SERPINH1: variants seen among roughly 807,000 people sequenced by gnomAD.
SERPINH1 encodes serpin H1.
A neutral mutation model predicts 32.3 loss-of-function variants in SERPINH1; 22 were observed. That is an observed-to-expected ratio of 0.68 (90% CI 0.49 to 0.97). The LOEUF is 0.97. Ranked by LOEUF, SERPINH1 falls within the 50% of genes least tolerant of loss-of-function variation. The probability of loss-of-function intolerance (pLI) is 0.00; values close to 1 mark genes in which losing one functional copy is unlikely to be tolerated. For missense variants in SERPINH1, 543 were observed against 576.4 expected (o/e 0.94, Z 0.59); for synonymous variants, 251 against 245.9 (o/e 1.02, Z -0.19).
In SERPINH1 at chr11:75,568,939, G is replaced by T. The variant is rs767688879; in HGVS notation, c.722G>T (p.Gly241Val). The T allele has an allele frequency of 5.6e-6, 9 of 1,613,648 alleles. No homozygotes were observed. ...TVGVMMMHRT[G>V]LYNYYDDEKE... ...AGTGTCCTTTCCGCTCCTCTCCCAG[G>T]CCTCTACAACTACTACGACGACGAG... The change falls in exon 4 of 5, where the codon GGC (glycine) becomes GTC (valine). Residue 241 changes from glycine (G) to valine (V), a missense_variant and splice_region_variant. By Grantham distance (109) the Gly-to-Val change is moderately radical (BLOSUM62 -3). Transcript: ENST00000358171.
At chr11:75,565,630 A>T (rs985858414) in intron 1 of SERPINH1, among the ~76,000 whole-genome samples, 3 of 140,258 alleles carry the variant, frequency 2.1e-5, no homozygotes, top group African/African-American at 7.8e-5. Context: ...ACACACACAC[A>T]CTCTCAGGGT....
rs1379043592 is a variant in SERPINH1, at chr11:75,569,058, C to T, written c.841C>T (p.Leu281Phe). Residue 281 changes from leucine to phenylalanine, a missense_variant, in exon 4 of 5, where the codon CTT becomes TTT. This residue lies in a region of SERPINH1 where 427 missense variants were observed against 446.4 expected (regional missense o/e 0.96). Transcript: ENST00000358171. The part of the protein sequence containing the change: ...MPHHVEPLER[L>F]EKLLTKEQLK... ...CCATCACGTGGAGCCTCTCGAGCGC[C>T]TTGAAAAGCTGCTAACCAAAGAGCA... The T allele has an allele frequency of 9.3e-6, 15 of 1,614,134 alleles. No individual in the cohort carries two copies. The highest frequency in any genetic ancestry group is 1.1e-5 in the Non-Finnish European group (13 of 1,180,056).
chr11:75,566,838 C>G lies in SERPINH1; in HGVS notation c.489C>G (p.Phe163Leu). 1 of 1,612,692 alleles carries G rather than the reference C, an allele frequency of 6.2e-7. No homozygotes were observed. Among genetic ancestry groups the G allele is most frequent in the Non-Finnish European group, 8.5e-7 (1 of 1,179,980 alleles). The change falls in exon 2 of 5, where the codon TTC becomes TTG. Residue 163 changes from phenylalanine (F) to leucine (L), a missense_variant. By Grantham distance (22) the Phe-to-Leu change is conservative. Around this residue, in one of 3 missense-constraint regions of SERPINH1, gnomAD observed 427 missense variants for 446.4 expected, o/e 0.96. Coordinates refer to ENST00000358171, the MANE Select transcript of SERPINH1 (RefSeq NM_001235.5). Reference sequence around the variant, plus strand: ...ACTGCGAGCACTCCAAGATCAACTTCCGCGACAAGCGCAGCGCGCTGCAGT... The same window carrying G: ...ACTGCGAGCACTCCAAGATCAACTTGCGCGACAAGCGCAGCGCGCTGCAGT... ...HYNCEHSKIN[F>L]RDKRSALQSI...
chr11:75,568,192 G>C (rs993094116), intron 2 of SERPINH1: 1 of 177,164 alleles, frequency 5.6e-6, no homozygotes, highest in African/African-American at 2.4e-5. Context: ...TGGAGGCTGA[G>C]GTGGGAGGAT....
rs571314663 is a variant in SERPINH1, at chr11:75,563,929, C to A, written c.-35+1610C>A. Among the ~76,000 whole-genome samples the A allele has an allele frequency of 6.6e-5, 10 of 152,314 alleles. No individual in the cohort carries two copies. In the East Asian group the frequency reaches 7.7e-4, roughly 12 times the overall value. ...GGGACTGTAACTCAGCTAACCTTGG[C>A]CTGAGGGCTGGCATTTCTCTGTGGC... On this transcript the variant is annotated intron_variant, in intron 1 of 4. Transcript: ENST00000358171.
In SERPINH1 at chr11:75,569,102, G is replaced by A. The variant is rs769607505; in HGVS notation, c.885G>A (p.Gly295=). ...LTKEQLKIWM[G]KMQKKAVAIS... ...AAGAGCAGCTGAAGATCTGGATGGG[G>A]AAGATGCAGAAGAAGGCTGTTGCCA... The change falls in exon 4 of 5, where the codon GGG becomes GGA. Residue 295 remains glycine, a synonymous_variant. Coordinates refer to ENST00000358171, the MANE Select transcript of SERPINH1 (RefSeq NM_001235.5). The A allele has an allele frequency of 8.1e-6, 13 of 1,614,078 alleles. No individual in the cohort carries two copies. Among genetic ancestry groups the A allele is most frequent in the Non-Finnish European group, 1.1e-5 (13 of 1,180,014 alleles).
In SERPINH1 at chr11:75,566,697, C is replaced by G. The variant is rs1176359461; in HGVS notation, c.348C>G (p.Arg116=). ...EVHAGLGELL[R]SLSNSTARNV... is the part of the protein sequence containing the mutation. The stretch of plus-strand genomic sequence containing the variant: ...ACGCCGGCCTGGGCGAGCTGCTGCG[C>G]TCACTCAGCAACTCCACGGCGCGCA... Residue 116 remains arginine, a synonymous_variant, in exon 2 of 5, where the codon CGC becomes CGG. Transcript: ENST00000358171. 1.2e-6 allele frequency: 2 copies of G among 1,610,950 alleles called. No homozygotes were observed. The highest frequency in any genetic ancestry group is 1.1e-5 in the South Asian group (1 of 90,856).
intron 2 of SERPINH1, 198 bp from the exon 3 acceptor site, chr11:75,568,533 G>A (rs933658634): frequency 1.2e-5 from 8 of 648,004 alleles, no homozygotes; most frequent in Non-Finnish European, 2.2e-5. Context: ...CAGATGGCAT[G>A]TCCTGGGGCC....
chr11:75,568,693 C>T (rs376768493), intron 2 of SERPINH1, 38 bp from the exon 3 acceptor site: 223 of 1,401,394 alleles, frequency 1.6e-4, no homozygotes, highest in Middle Eastern at 2.4e-4. Flanking sequence ...TTGGGGGCGG[C>T]CATGTGTCTC....
rs375603549 is a variant in SERPINH1 at position 75,566,261 on chromosome 11, G to A, written c.-34-55G>A. The A allele has an allele frequency of 2.4e-5, 36 of 1,475,562 alleles. No homozygotes were observed. In the East Asian group the frequency reaches 8.0e-4, roughly 33 times the overall value. 91.4% of individuals were successfully genotyped at this position (1,475,562 alleles called of 1,614,324 possible). A position where few individuals can be genotyped will look rare whatever the true frequency, so the allele number is the denominator to read the frequency against. ...GGCAGCCAGAGAGCTGAGGGTGGTT[G>A]TTGGGGAGGAAGGCCTTGGGCTTCA... On this transcript the variant is annotated intron_variant, in intron 1 of 4. Transcript: ENST00000358171.
Position 75,568,731 on chromosome 11 carries a change from C to G in SERPINH1, c.623C>G (p.Pro208Arg). Residue 208 changes from proline (P) to arginine (R), a missense_variant and splice_region_variant, in exon 3 of 5, where the codon CCA becomes CGA. Physicochemically the swap from Pro to Arg is moderately radical, Grantham distance 103. Transcript: ENST00000358171. ...ALLVNAMFFK[P>R]HWDEKFHHKM... is the part of the protein sequence containing the mutation. Reference sequence around the variant, plus strand: ...ACCCTGTGTTTTGCCCCAACTACAGCACACTGGGATGAGAAATTCCACCAC... The same window carrying G: ...ACCCTGTGTTTTGCCCCAACTACAGGACACTGGGATGAGAAATTCCACCAC... The G allele has an allele frequency of 6.2e-7, 1 of 1,611,100 alleles. No homozygotes were observed. The highest frequency in any genetic ancestry group is 1.1e-5 in the South Asian group (1 of 90,978).
chr11:75,564,647 G>A (rs191946122), intron 1 of SERPINH1, among the ~76,000 whole-genome samples: 2 of 152,304 alleles, frequency 1.3e-5, no homozygotes, highest in Admixed American at 6.5e-5. Context: ...GGAGGGAGGT[G>A]TCTTGGGGTT....
intron 2 of SERPINH1, 143 bp from the exon 3 acceptor site, chr11:75,568,588 T>A: frequency 2.9e-6 from 2 of 699,132 alleles, no homozygotes; most frequent in South Asian, 3.0e-5. Flanking sequence ...GTGGGCTGGG[T>A]GCTCTATAGC....
Position 75,566,652 on chromosome 11 carries a change from G to C in SERPINH1, c.303G>C (p.Gln101His). The C allele has an allele frequency of 1.2e-6, 2 of 1,607,608 alleles. No homozygotes were observed. Among genetic ancestry groups the C allele is most frequent in the Non-Finnish European group, 1.7e-6 (2 of 1,178,180 alleles). The change falls in exon 2 of 5, where the codon CAG becomes CAC. Residue 101 changes from glutamine (Q) to histidine (H), a missense_variant. By Grantham distance (24) the Gln-to-His change is conservative. Coordinates refer to ENST00000358171, the MANE Select transcript of SERPINH1 (RefSeq NM_001235.5). ...SQAKAVLSAE[Q>H]LRDEEVHAGL... The stretch of plus-strand genomic sequence containing the variant: ...CCAAGGCAGTGCTGAGCGCCGAGCA[G>C]CTGCGCGACGAGGAGGTGCACGCCG...
intron 2 of SERPINH1, 134 bp downstream of exon 2, chr11:75,567,105 C>T (rs1254115947): frequency 3.0e-6 from 3 of 1,012,742 alleles, no homozygotes; most frequent in Non-Finnish European, 4.3e-6. Flanking sequence ...GCAGGACTGT[C>T]ACTCAGCTTT....
At chr11:75,564,086 G>C (rs778568785) in intron 1 of SERPINH1, among the ~76,000 whole-genome samples, 2 of 152,194 alleles carry the variant, frequency 1.3e-5, no homozygotes, top group Non-Finnish European at 2.9e-5. Flanking sequence ...GTGCGGATGG[G>C]AAGGGAACTA....
At position 75,569,027 on chromosome 11, in the gene SERPINH1, C is replaced by T; in HGVS notation, c.810C>T (p.Leu270=). 6.2e-7 allele frequency: 1 copy of T among 1,614,244 alleles called. No individual in the cohort carries two copies. The highest frequency in any genetic ancestry group is 8.5e-7 in the Non-Finnish European group (1 of 1,180,036). ...ACAAGCTCTCCAGCCTCATCATCCT[C>T]ATGCCCCATCACGTGGAGCCTCTCG... ...LAHKLSSLII[L]MPHHVEPLER... The change falls in exon 4 of 5, where the codon CTC becomes CTT. Residue 270 remains leucine (L), a synonymous_variant. Transcript: ENST00000358171.
chr11:75,566,440 G>A lies in SERPINH1; in HGVS notation c.91G>A (p.Gly31Ser). ...GAAACCTGCAGCCGCAGCAGCTCCT[G>A]GCACTGCGGAGAAGTTGAGCCCCAA... is the stretch of plus-strand genomic sequence containing the variant. ...VKKPAAAAAP[G>S]TAEKLSPKAA... Residue 31 changes from glycine to serine, a missense_variant, in exon 2 of 5, where the codon GGC becomes AGC. Gly to Ser is a moderately conservative substitution (Grantham distance 56). Transcript: ENST00000358171. 1 of 1,612,158 alleles carries A rather than the reference G, an allele frequency of 6.2e-7. No homozygotes were observed.
intron 1 of SERPINH1, chr11:75,562,898 G>A (rs1323273644): frequency 3.3e-5 from 5 of 152,212 alleles, no homozygotes; most frequent in African/African-American, 1.2e-4. Flanking sequence ...CGTGTGCTCT[G>A]GTAGAAGTGG....
Sources: allele counts gnomAD v4.1 joint callset (sites outside exome capture counted in the v4.1 genomes callset), GRCh38; gene constraint gnomAD v4.1.1; regional missense constraint gnomAD v4.1.1; transcripts MANE v1.5; gene names NCBI Gene and HGNC (gene_info 2026-07-23, HGNC 2026-07-21).